The following ARB2A variants were observed in gnomAD, a reference collection of about 807,000 sequenced individuals.
The protein encoded by ARB2A is ARB2 cotranscriptional regulator A, also known as cotranscriptional regulator ARB2A.
chr5:93,752,212 T>A, the ARB2A span, among the ~76,000 whole-genome samples: 1 of 152,018 alleles, frequency 6.6e-6, no homozygotes, highest in South Asian at 2.1e-4. Flanking sequence ...ACTTAACATA[T>A]GATAAAAGGG....
chr5:93,678,901 G>A, the ARB2A span, among the ~76,000 whole-genome samples: 1 of 152,184 alleles, frequency 6.6e-6, no homozygotes, highest in Non-Finnish European at 1.5e-5. Flanking sequence ...ACTGAGGATT[G>A]TGTGTTGGTT....
At chr5:93,931,875 T>C in the ARB2A span, among the ~76,000 whole-genome samples, 2 of 152,234 alleles carry the variant, frequency 1.3e-5, no homozygotes, top group African/African-American at 4.8e-5. Flanking sequence ...AGTGAAATTA[T>C]ATAGTTTGTA....
chr5:94,008,087 A>C, the ARB2A span, among the ~76,000 whole-genome samples: 17 of 152,326 alleles, frequency 1.1e-4, no homozygotes, highest in African/African-American at 3.8e-4. Context: ...CCAAAGATCC[A>C]GTACTTATGT....
the ARB2A span, among the ~76,000 whole-genome samples, chr5:94,059,522 G>A: frequency 4.0e-5 from 6 of 148,524 alleles, no homozygotes; most frequent in African/African-American, 4.9e-5. Flanking sequence ...TTGGGAGGCC[G>A]AGGCAGGAGA....
chr5:94,005,636 T>C, the ARB2A span, among the ~76,000 whole-genome samples: 30 of 152,192 alleles, frequency 2.0e-4, no homozygotes, highest in Non-Finnish European at 3.5e-4. Context: ...AAACCACCTA[T>C]CTGAAAAAGA....
At chr5:93,632,736 A>G in the ARB2A span, among the ~76,000 whole-genome samples, 1 of 152,226 alleles carries the variant, frequency 6.6e-6, no homozygotes, top group East Asian at 1.9e-4. Flanking sequence ...CTCAGAGTAC[A>G]AAAATTCAGT....
the ARB2A span, among the ~76,000 whole-genome samples, chr5:93,635,955 A>C: frequency 6.6e-6 from 1 of 152,218 alleles, no homozygotes; most frequent in Non-Finnish European, 1.5e-5. Context: ...ATTTATGCTT[A>C]CAAGTGTTAT....
the ARB2A span, among the ~76,000 whole-genome samples, chr5:93,829,003 C>A: frequency 2.6e-5 from 4 of 152,152 alleles, no homozygotes; most frequent in Non-Finnish European, 5.9e-5. Context: ...TCTTCAACTC[C>A]TGACCTTAGG....
the ARB2A span, among the ~76,000 whole-genome samples, chr5:93,638,008 C>T: frequency 6.6e-6 from 1 of 152,224 alleles, no homozygotes; most frequent in Non-Finnish European, 1.5e-5. Flanking sequence ...CTCCAATGAA[C>T]TTCCCAGATT....
chr5:93,958,023 G>A, the ARB2A span, among the ~76,000 whole-genome samples: 1 of 151,602 alleles, frequency 6.6e-6, no homozygotes, highest in African/African-American at 2.4e-5. Context: ...GCAAAATTGG[G>A]CTGTTCACTA....
chr5:93,784,879 TA>T, the ARB2A span, among the ~76,000 whole-genome samples: 2 of 152,284 alleles, frequency 1.3e-5, no homozygotes, highest in Admixed American at 1.3e-4. Flanking sequence ...GTTAGCTACT[TA>T]GGACTAACTT....
the ARB2A span, among the ~76,000 whole-genome samples, chr5:93,673,547 T>A: frequency 6.6e-6 from 1 of 152,208 alleles, no homozygotes; most frequent in Admixed American, 6.5e-5. Context: ...AGACACTTCG[T>A]TTAAAGAATG....
chr5:93,756,032 G>C, the ARB2A span, among the ~76,000 whole-genome samples: 6,614 of 152,220 alleles, frequency 0.043, 445 homozygotes, highest in African/African-American at 0.15. Flanking sequence ...GGGCTGTTGT[G>C]GGGGGCATGG....
chr5:93,907,350 GA>G, the ARB2A span, among the ~76,000 whole-genome samples: 1 of 151,382 alleles, frequency 6.6e-6, no homozygotes, highest in Non-Finnish European at 1.5e-5. Context: ...GGATAAAAGA[GA>G]AAATTTTACA....
At chr5:94,030,102 GTCC>G in the ARB2A span, among the ~76,000 whole-genome samples, 1 of 152,150 alleles carries the variant, frequency 6.6e-6, no homozygotes, top group African/African-American at 2.4e-5. Flanking sequence ...CTCTCACCGG[GTCC>G]CTCTGATGAC....
the ARB2A span, among the ~76,000 whole-genome samples, chr5:94,060,539 T>A: frequency 1.3e-5 from 2 of 152,110 alleles, no homozygotes; most frequent in Admixed American, 6.5e-5. Context: ...CCCTCAAAAT[T>A]TTTCAGGTCA....
the ARB2A span, among the ~76,000 whole-genome samples, chr5:93,932,783 A>T: frequency 6.6e-6 from 1 of 152,204 alleles, no homozygotes; most frequent in Non-Finnish European, 1.5e-5. Context: ...CCTATATGTA[A>T]GCTGAAGATT....
At chr5:93,878,964 T>C in the ARB2A span, among the ~76,000 whole-genome samples, 9 of 152,090 alleles carry the variant, frequency 5.9e-5, no homozygotes, top group East Asian at 9.6e-4. Flanking sequence ...TTTCCAACTA[T>C]AAAATCAGGA....
At chr5:93,725,656 T>C in the ARB2A span, among the ~76,000 whole-genome samples, 1 of 152,046 alleles carries the variant, frequency 6.6e-6, no homozygotes, top group South Asian at 2.1e-4. Flanking sequence ...AACAGATTAT[T>C]ACAATCTACT....
Sources: gnomAD v4.1 joint callset for allele counts (sites outside exome capture counted in the v4.1 genomes callset) on GRCh38, gnomAD v4.1.1 for gene constraint, MANE v1.5 for transcripts, NCBI Gene and HGNC (gene_info 2026-07-23, HGNC 2026-07-21) for gene names.